The following AGPAT4 variants were observed in gnomAD, a reference collection of about 807,000 sequenced individuals.
AGPAT4 encodes the protein 1-acylglycerol-3-phosphate O-acyltransferase 4, also known as 1-acyl-sn-glycerol-3-phosphate acyltransferase delta.
In AGPAT4, 15 loss-of-function variants were observed where a neutral mutation model predicts 48.0. That is an observed-to-expected ratio of 0.31 (90% CI 0.21 to 0.48). The LOEUF (loss-of-function observed/expected upper bound fraction) is 0.48. Ranked by LOEUF, AGPAT4 falls within the 20% of genes least tolerant of loss-of-function variation. The probability of loss-of-function intolerance (pLI) is 0.99; values close to 1 mark genes in which losing one functional copy is unlikely to be tolerated. For missense variants in AGPAT4, 314 were observed against 482.5 expected (o/e 0.65, Z 3.27); for synonymous variants, 178 against 198.7 (o/e 0.90, Z 0.88).
chr6:161,268,191 T>G (rs898304842), intron 1 of AGPAT4, among the ~76,000 whole-genome samples: 7 of 152,228 alleles, frequency 4.6e-5, no homozygotes, highest in African/African-American at 1.7e-4. Flanking sequence ...GTCCATGTAC[T>G]GGCACATAGG....
At chr6:161,209,348 A>C (rs3798933) in intron 2 of AGPAT4, among the ~76,000 whole-genome samples, 2 of 152,116 alleles carry the variant, frequency 1.3e-5, no homozygotes, top group East Asian at 3.9e-4. Flanking sequence ...GCTGGATAAA[A>C]GGGCTTCATT....
At position 161,266,533 on chromosome 6, in the gene AGPAT4, C is replaced by T. The variant is rs866243796; in HGVS notation, c.-90+7405G>A. 6.6e-6 allele frequency among the ~76,000 whole-genome samples: 1 copy of T among 152,070 alleles called. No homozygotes were observed. Among genetic ancestry groups the T allele is most frequent in the Non-Finnish European group, 1.5e-5 (1 of 68,020 alleles). On this transcript the variant is annotated intron_variant, in intron 1 of 8. Coordinates refer to ENST00000320285, the MANE Select transcript of AGPAT4 (RefSeq NM_020133.3). This position sits in a 1 kb window ranked among gnomAD's most constrained non-coding sequence, Gnocchi z 6.2. ...AAGGGTGAATGGGGTGATGGGAGAG[C>T]GTCAGGAAAGCAGAGGCTGGAGGCA...
rs1035610436 is a variant in AGPAT4 at position 161,142,368 on chromosome 6, G to A, written c.844-2748C>T. Among the ~76,000 whole-genome samples the A allele has an allele frequency of 2.0e-5, 3 of 152,218 alleles. No individual in the cohort carries two copies. Among genetic ancestry groups the A allele is most frequent in the South Asian group, 2.1e-4 (1 of 4,832 alleles). ...GTTTTGTAATAAAATTTGCCCCGCA[G>A]GGAAAGGACTCGTGTTTTTTGTTTT... On this transcript the variant is annotated intron_variant, in intron 7 of 8. Transcript: ENST00000320285. This position sits in a 1 kb window ranked among gnomAD's most constrained non-coding sequence, Gnocchi z 6.4.
chr6:161,246,754 C>T lies in AGPAT4; in HGVS notation c.-89-14452G>A, dbSNP rs1782660731. Among the ~76,000 whole-genome samples, 1 of 152,160 alleles carries T rather than the reference C, an allele frequency of 6.6e-6. No individual in the cohort carries two copies. Among genetic ancestry groups the T allele is most frequent in the African/African-American group, 2.4e-5 (1 of 41,432 alleles). ...ACTAAAGCACTTACTGAGTAATATA[C>T]CCTGGGCCGGGATGACTTCCACCCC... On this transcript the variant is annotated intron_variant, in intron 1 of 8. Transcript: ENST00000320285. The surrounding 1 kb of genome is among the most constrained non-coding windows in gnomAD (Gnocchi z 5.5).
chr6:161,131,068 C>A lies in AGPAT4; in HGVS notation c.*5472G>T. 3.4e-6 allele frequency: 1 copy of A among 290,152 alleles called. No homozygotes were observed. Among genetic ancestry groups the A allele is most frequent in the South Asian group, 3.2e-5 (1 of 31,486 alleles). 18.0% of individuals were successfully genotyped at this position (290,152 alleles called of 1,614,324 possible). ...ACTTTGTGTACATACCACTCACCTC[C>A]CTTAAAATTCAGCAGAACCAGAGGT... On this transcript the variant is annotated 3_prime_UTR_variant, in exon 9 of 9. Transcript: ENST00000320285.
At chr6:161,162,139 C>T (rs911795524) in intron 3 of AGPAT4, among the ~76,000 whole-genome samples, 1 of 152,174 alleles carries the variant, frequency 6.6e-6, no homozygotes, top group Non-Finnish European at 1.5e-5. Context: ...TGTGTTCAGG[C>T]CCAGCTGTAT....
rs1293615643 is a variant in AGPAT4, at chr6:161,212,718, A to G, written c.178+19318T>C. Among the ~76,000 whole-genome samples, 1 of 152,168 alleles carries G rather than the reference A, an allele frequency of 6.6e-6. No individual in the cohort carries two copies. On this transcript the variant is annotated intron_variant, in intron 2 of 8. Transcript: ENST00000320285. This position sits in a 1 kb window ranked among gnomAD's most constrained non-coding sequence, Gnocchi z 6.1. ...TTCCTTGTCAATTGTGTCTTTCACTATGGCTACCCTAATACATTTTGTCAT... is the reference window on the plus strand; with the variant it reads ...TTCCTTGTCAATTGTGTCTTTCACTGTGGCTACCCTAATACATTTTGTCAT...
At chr6:161,179,344 C>T (rs894784858) in intron 2 of AGPAT4, among the ~76,000 whole-genome samples, 1 of 152,134 alleles carries the variant, frequency 6.6e-6, no homozygotes, top group Non-Finnish European at 1.5e-5. Context: ...TTATATAAAA[C>T]ATGATTGCAG....
rs1324046420 is a variant in AGPAT4 at position 161,242,243 on chromosome 6, C to T, written c.-89-9941G>A. ...GGCTAATGGTGAGTAACTGTGGGGG[C>T]CCGGCCTGGGCCAGTCTCACGCTTT... On this transcript the variant is annotated intron_variant, in intron 1 of 8. Coordinates refer to ENST00000320285, the MANE Select transcript of AGPAT4 (RefSeq NM_020133.3). This position sits in a 1 kb window ranked among gnomAD's most constrained non-coding sequence, Gnocchi z 5.0. Among the ~76,000 whole-genome samples the T allele has an allele frequency of 6.6e-6, 1 of 152,174 alleles. No individual in the cohort carries two copies. The highest frequency in any genetic ancestry group is 1.5e-5 in the Non-Finnish European group (1 of 68,030).
At position 161,142,179 on chromosome 6, in the gene AGPAT4, C is replaced by T. The variant is rs73595023; in HGVS notation, c.844-2559G>A. On this transcript the variant is annotated intron_variant, in intron 7 of 8. Coordinates refer to ENST00000320285, the MANE Select transcript of AGPAT4 (RefSeq NM_020133.3). The surrounding 1 kb of genome is among the most constrained non-coding windows in gnomAD (Gnocchi z 6.4). ...CCATTCACTTTAAAGTTTTCTTTGT[C>T]TGTGGTTTAAAACACTAAATCTCAT... Among the ~76,000 whole-genome samples, 2,543 of 152,304 alleles carry T rather than the reference C, an allele frequency of 0.017. 72 individuals carry two copies. The highest frequency in any genetic ancestry group is 0.054 in the African/African-American group (2,246 of 41,560).
chr6:161,239,188 G>A (rs759789798), intron 1 of AGPAT4, among the ~76,000 whole-genome samples: 2 of 152,144 alleles, frequency 1.3e-5, no homozygotes, highest in South Asian at 2.1e-4. Context: ...AGTTATGTAC[G>A]GTGTAAGGCA....
At position 161,231,758 on chromosome 6, in the gene AGPAT4, A is replaced by AT. The variant is rs1782129607; in HGVS notation, c.178+277dup. Among the ~76,000 whole-genome samples, 2 of 152,204 alleles carry AT rather than the reference A, an allele frequency of 1.3e-5. No individual in the cohort carries two copies. The highest frequency in any genetic ancestry group is 2.9e-5 in the Non-Finnish European group (2 of 68,044). The stretch of plus-strand genomic sequence containing the variant: ...GATAACTAAGAAATCATTAATACTG[A>AT]TTGGTTCTGAGGAGAACTAAAGAAA... On this transcript the variant is annotated intron_variant, in intron 2 of 8. Coordinates refer to ENST00000320285, the MANE Select transcript of AGPAT4 (RefSeq NM_020133.3). The surrounding 1 kb of genome is among the most constrained non-coding windows in gnomAD (Gnocchi z 5.3).
chr6:161,139,641 C>A lies in AGPAT4; in HGVS notation c.844-21G>T, dbSNP rs202150883. On this transcript the variant is annotated intron_variant, in intron 7 of 8. Coordinates refer to ENST00000320285, the MANE Select transcript of AGPAT4 (RefSeq NM_020133.3). The surrounding 1 kb of genome is among the most constrained non-coding windows in gnomAD (Gnocchi z 9.1). Reference sequence around the variant, plus strand: ...GCATCCTGGGGGACAGGAAAGAGGACCCTCAGACGCCACACGGGGCTCGGT... The same window carrying A: ...GCATCCTGGGGGACAGGAAAGAGGAACCTCAGACGCCACACGGGGCTCGGT... 5 of 1,573,428 alleles carry A rather than the reference C, an allele frequency of 3.2e-6. No homozygotes were observed. The highest frequency in any genetic ancestry group is 2.3e-5 in the East Asian group (1 of 44,114).
rs112401860 is a variant in AGPAT4 at position 161,166,902 on chromosome 6, C to T, written c.179-485G>A. 8.9e-3 allele frequency among the ~76,000 whole-genome samples: 1,354 copies of T among 152,252 alleles called. 19 individuals carry two copies. Among genetic ancestry groups the T allele is most frequent in the African/African-American group, 0.031 (1,296 of 41,540 alleles). ...AAGAATGGAGAACGGCAGATCCAGCCGCAGGAGCCCCAGCACCTGCAGGGC... is the reference window on the plus strand; with the variant it reads ...AAGAATGGAGAACGGCAGATCCAGCTGCAGGAGCCCCAGCACCTGCAGGGC... On this transcript the variant is annotated intron_variant, in intron 2 of 8. Coordinates refer to ENST00000320285, the MANE Select transcript of AGPAT4 (RefSeq NM_020133.3). The surrounding 1 kb of genome is among the most constrained non-coding windows in gnomAD (Gnocchi z 6.7).
In AGPAT4 at chr6:161,155,138, C is replaced by A. The variant is rs912419664; in HGVS notation, c.349-828G>T. ...CCCACAGGTCCCCTCTGGGGAGTCT[C>A]AGGGCAGTCCTGGGTCCCCAGGGCT... On this transcript the variant is annotated intron_variant, in intron 3 of 8. Coordinates refer to ENST00000320285, the MANE Select transcript of AGPAT4 (RefSeq NM_020133.3). This position sits in a 1 kb window ranked among gnomAD's most constrained non-coding sequence, Gnocchi z 5.8. 1.3e-5 allele frequency among the ~76,000 whole-genome samples: 2 copies of A among 152,196 alleles called. No homozygotes were observed. The highest frequency in any genetic ancestry group is 6.5e-5 in the Admixed American group (1 of 15,288).
At chr6:161,188,798 C>T (rs565914188) in intron 2 of AGPAT4, among the ~76,000 whole-genome samples, 5 of 152,248 alleles carry the variant, frequency 3.3e-5, no homozygotes, top group South Asian at 2.1e-4. Context: ...GAGCAGCCAG[C>T]GGCCGTCGAA....
At chr6:161,248,130 C>T (rs1440756422) in intron 1 of AGPAT4, among the ~76,000 whole-genome samples, 1 of 152,002 alleles carries the variant, frequency 6.6e-6, no homozygotes, top group Non-Finnish European at 1.5e-5. Context: ...CCAGTCTCAG[C>T]CCAAAAGCTC....
At chr6:161,211,659 ATATTAT>A (rs1471961086) in intron 2 of AGPAT4, among the ~76,000 whole-genome samples, 2 of 152,210 alleles carry the variant, frequency 1.3e-5, no homozygotes, top group East Asian at 1.9e-4. Flanking sequence ...TCAAGTTGTC[ATATTAT>A]TATTAAGTTT....
At chr6:161,247,981 CAAAAAAAAAAAA>C (rs143168079) in intron 1 of AGPAT4, among the ~76,000 whole-genome samples, 2 of 28,212 alleles carry the variant, frequency 7.1e-5, no homozygotes, top group Admixed American at 5.3e-4. Flanking sequence ...GACTCTGTCT[CAAAAAAAAAAAA>C]AAAAAAAAAA....
Sources: allele counts gnomAD v4.1 joint callset (sites outside exome capture counted in the v4.1 genomes callset), GRCh38; gene constraint gnomAD v4.1.1; non-coding constraint Gnocchi (gnomAD v3.1); transcripts MANE v1.5; gene names NCBI Gene and HGNC (gene_info 2026-07-23, HGNC 2026-07-21).